The following PIP5K1B variants were observed in gnomAD, a reference collection of about 807,000 sequenced individuals.
PIP5K1B encodes phosphatidylinositol-4-phosphate 5-kinase type 1 beta.
PIP5K1B carries 42 observed loss-of-function variants against 67.0 expected under a neutral mutation model. The ratio of observed to expected loss-of-function variants is 0.63; its 90% CI spans 0.49 to 0.81. The LOEUF is 0.81. Ranked by LOEUF, PIP5K1B falls within the 30% of genes least tolerant of loss-of-function variation. PIP5K1B has a pLI of 0.00. For synonymous variants in PIP5K1B, 214 were observed against 231.4 expected, an observed-to-expected ratio of 0.92 and a Z score of 0.68; for missense variants, 459 against 646.3, an observed-to-expected ratio of 0.71 and a Z score of 3.14.
Position 68,964,344 on chromosome 9 carries a change from G to A in PIP5K1B, c.1502+23554G>A, listed in dbSNP as rs183066716. On this transcript the variant is annotated intron_variant, in intron 14 of 15. Transcript: ENST00000265382. ...CATTAAGAGAAGTAAAGGCCCCTAAGGGAAGTAAAGAGCTAATATTTATTC... is the reference window on the plus strand; with the variant it reads ...CATTAAGAGAAGTAAAGGCCCCTAAAGGAAGTAAAGAGCTAATATTTATTC... 7.9e-5 allele frequency among the ~76,000 whole-genome samples: 12 copies of A among 152,300 alleles called. No individual in the cohort carries two copies. In the East Asian group the frequency reaches 2.3e-3, roughly 29 times the overall value.
intron 2 of PIP5K1B, among the ~76,000 whole-genome samples, chr9:68,775,189 C>T (rs1830856338): frequency 6.6e-6 from 1 of 152,174 alleles, no homozygotes; most frequent in Non-Finnish European, 1.5e-5. Flanking sequence ...CCCTTTCCAT[C>T]TTCACTAAGC....
intron 15 of PIP5K1B, among the ~76,000 whole-genome samples, chr9:69,004,927 C>T (rs548725820): frequency 1.3e-5 from 2 of 152,304 alleles, no homozygotes; most frequent in Non-Finnish European, 2.9e-5. Context: ...ACCTCTCCAT[C>T]TCATTTTAAC....
chr9:69,000,079 T>C (rs1830752944), intron 15 of PIP5K1B, among the ~76,000 whole-genome samples: 1 of 152,138 alleles, frequency 6.6e-6, no homozygotes, highest in African/African-American at 2.4e-5. Flanking sequence ...AGGTGTTACC[T>C]TCCCTCAGGT....
intron 15 of PIP5K1B, among the ~76,000 whole-genome samples, 199 bp from the exon 16 acceptor site, chr9:69,008,248 G>T (rs1831178117): frequency 6.6e-6 from 1 of 152,124 alleles, no homozygotes; most frequent in South Asian, 2.1e-4. Context: ...GATAAACATT[G>T]GTGTAATTAA....
intron 6 of PIP5K1B, 75 bp from the exon 7 acceptor site, chr9:68,888,906 T>A: frequency 2.0e-6 from 2 of 1,000,214 alleles, no homozygotes; most frequent in Non-Finnish European, 3.1e-6. Flanking sequence ...AGATGTGCAA[T>A]GCTATGATTG....
intron 2 of PIP5K1B, chr9:68,781,510 A>G (rs12349968): frequency 0.13 from 22,080 of 169,222 alleles, 1,612 homozygotes; most frequent in Non-Finnish European, 0.17. Flanking sequence ...TACGTTAGTT[A>G]TATCTATCTA....
chr9:68,728,577 G>A (rs1036532186), intron 1 of PIP5K1B, among the ~76,000 whole-genome samples: 3 of 152,090 alleles, frequency 2.0e-5, no homozygotes, highest in African/African-American at 7.2e-5. Flanking sequence ...CAGATATGGG[G>A]AAAACATTCC....
intron 2 of PIP5K1B, among the ~76,000 whole-genome samples, chr9:68,792,115 G>C (rs550293117): frequency 6.6e-6 from 1 of 152,212 alleles, no homozygotes; most frequent in Non-Finnish European, 1.5e-5. Context: ...CTGTGATCCT[G>C]TTGTTCCCAG....
At chr9:68,948,847 C>G (rs1827925856) in intron 14 of PIP5K1B, among the ~76,000 whole-genome samples, 1 of 152,052 alleles carries the variant, frequency 6.6e-6, no homozygotes, top group Non-Finnish European at 1.5e-5. Flanking sequence ...TCAAATGATC[C>G]CTCATATATT....
chr9:68,860,067 T>C (rs1822982849), intron 4 of PIP5K1B, among the ~76,000 whole-genome samples: 1 of 152,196 alleles, frequency 6.6e-6, no homozygotes, highest in African/African-American at 2.4e-5. Flanking sequence ...ACTTAAAATC[T>C]ACTTTCTTGG....
At chr9:68,953,613 C>T (rs1158989504) in intron 14 of PIP5K1B, among the ~76,000 whole-genome samples, 2 of 151,682 alleles carry the variant, frequency 1.3e-5, no homozygotes, top group African/African-American at 4.8e-5. Flanking sequence ...CCCAGGAGTT[C>T]GAGACCAGCC....
chr9:68,828,594 A>G (rs1834113465), intron 4 of PIP5K1B, among the ~76,000 whole-genome samples: 1 of 152,212 alleles, frequency 6.6e-6, no homozygotes, highest in South Asian at 2.1e-4. Flanking sequence ...CATTCCAAGG[A>G]AAGATGCCTT....
At chr9:68,878,404 C>T (rs1824009764) in intron 6 of PIP5K1B, among the ~76,000 whole-genome samples, 1 of 152,160 alleles carries the variant, frequency 6.6e-6, no homozygotes, top group African/African-American at 2.4e-5. Flanking sequence ...AGATCCTTTT[C>T]TGAACAACTT....
intron 1 of PIP5K1B, among the ~76,000 whole-genome samples, chr9:68,715,731 A>G (rs996638711): frequency 1.3e-5 from 2 of 152,232 alleles, no homozygotes; most frequent in Admixed American, 6.5e-5. Flanking sequence ...CCTTAAAAAA[A>G]TCCTTTTCGT....
intron 6 of PIP5K1B, among the ~76,000 whole-genome samples, 185 bp from the exon 7 acceptor site, chr9:68,888,792 TAAAC>T (rs1824617842): frequency 6.6e-6 from 1 of 152,106 alleles, no homozygotes; most frequent in East Asian, 1.9e-4. Flanking sequence ...ATTATTAAGA[TAAAC>T]AGACCAATTA....
At chr9:68,815,378 C>A (rs1833390011) in intron 2 of PIP5K1B, among the ~76,000 whole-genome samples, 1 of 151,150 alleles carries the variant, frequency 6.6e-6, no homozygotes, top group African/African-American at 2.4e-5. Flanking sequence ...ATGTAATTGG[C>A]CTCAAAACAA....
At chr9:68,816,095 T>C (rs932085761) in intron 2 of PIP5K1B, among the ~76,000 whole-genome samples, 11 of 152,178 alleles carry the variant, frequency 7.2e-5, no homozygotes, top group African/African-American at 1.9e-4. Flanking sequence ...GATAAAAGTG[T>C]TGTCAGCTCA....
chr9:68,822,697 T>A lies in PIP5K1B; in HGVS notation c.69+14T>A. On this transcript the variant is annotated intron_variant, in intron 4 of 15. Transcript: ENST00000265382. ...ACCTATAAAAAGGTGAGTGTGCATT[T>A]TATTTTCTAAAGAGGAACACCGTTT... is the stretch of plus-strand genomic sequence containing the variant. 2 of 1,588,906 alleles carry A rather than the reference T, an allele frequency of 1.3e-6. No individual in the cohort carries two copies. Among genetic ancestry groups the A allele is most frequent in the Non-Finnish European group, 1.7e-6 (2 of 1,158,210 alleles).
At chr9:68,736,126 T>A (rs1033324472) in intron 1 of PIP5K1B, among the ~76,000 whole-genome samples, 2 of 152,068 alleles carry the variant, frequency 1.3e-5, no homozygotes, top group African/African-American at 4.8e-5. Flanking sequence ...GCTATAGAGG[T>A]CCTTGTGGGG....
Sources: gnomAD v4.1 joint callset for allele counts (sites outside exome capture counted in the v4.1 genomes callset) on GRCh38, gnomAD v4.1.1 for gene constraint, MANE v1.5 for transcripts, NCBI Gene and HGNC (gene_info 2026-07-23, HGNC 2026-07-21) for gene names.